GRIK1: variants seen among roughly 807,000 people sequenced by gnomAD.
The protein encoded by GRIK1 is glutamate receptor ionotropic, kainate 1.
Under a neutral mutation model 105.7 loss-of-function variants are expected in GRIK1, and 69 were observed. That is an observed-to-expected ratio of 0.65 (90% CI 0.54 to 0.80). The LOEUF (loss-of-function observed/expected upper bound fraction) is 0.80. Among genes scored for constraint, GRIK1 ranks in the 30% least tolerant of loss-of-function variants. The pLI is 0.00. For missense variants in GRIK1, 1,109 were observed against 1,167.3 expected (o/e 0.95, Z 0.73); for synonymous variants, 438 against 431.3 (o/e 1.02, Z -0.19).
chr21:29,915,524 C>G (rs778160652), intron 1 of GRIK1, among the ~76,000 whole-genome samples: 8 of 152,052 alleles, frequency 5.3e-5, no homozygotes, highest in South Asian at 4.1e-4. Context: ...AACTCTTTCT[C>G]TCACAGGAAG....
chr21:29,725,853 T>C (rs1439376960), intron 1 of GRIK1, among the ~76,000 whole-genome samples: 2 of 152,216 alleles, frequency 1.3e-5, no homozygotes, highest in East Asian at 3.8e-4. Flanking sequence ...CCGCAATAAA[T>C]GATTGTCTCG....
intron 1 of GRIK1, among the ~76,000 whole-genome samples, chr21:29,806,016 A>G (rs1283071410): frequency 6.6e-6 from 1 of 151,720 alleles, no homozygotes; most frequent in Non-Finnish European, 1.5e-5. Flanking sequence ...ACATGAAAAC[A>G]CAAGTCGACT....
At chr21:29,607,240 T>G (rs1312244640) in intron 7 of GRIK1, among the ~76,000 whole-genome samples, 1 of 152,134 alleles carries the variant, frequency 6.6e-6, no homozygotes, top group African/African-American at 2.4e-5. Context: ...TTCTTAGCAC[T>G]TTTCTTTTGT....
intron 6 of GRIK1, among the ~76,000 whole-genome samples, chr21:29,646,302 T>C (rs2062616871): frequency 6.6e-6 from 1 of 152,214 alleles, no homozygotes. Context: ...GCTTCCCTGG[T>C]TGGCAATACT....
chr21:29,678,749 A>G (rs1198728344), intron 3 of GRIK1, among the ~76,000 whole-genome samples: 1 of 152,166 alleles, frequency 6.6e-6, no homozygotes, highest in African/African-American at 2.4e-5. Flanking sequence ...ATAGCAGAAG[A>G]GTTTTAGCTA....
At chr21:29,724,088 T>C (rs1156339860) in intron 1 of GRIK1, among the ~76,000 whole-genome samples, 1 of 152,224 alleles carries the variant, frequency 6.6e-6, no homozygotes, top group African/African-American at 2.4e-5. Context: ...TAAGATCCAC[T>C]TGGGCTATGT....
intron 14 of GRIK1, among the ~76,000 whole-genome samples, chr21:29,576,417 C>T (rs984714155): frequency 1.2e-4 from 19 of 152,202 alleles, no homozygotes; most frequent in Admixed American, 7.2e-4. Context: ...GAACACTGTC[C>T]TTCATCAATG....
chr21:29,904,317 T>TG (rs1164384005), intron 1 of GRIK1, among the ~76,000 whole-genome samples: 2 of 141,964 alleles, frequency 1.4e-5, no homozygotes, highest in South Asian at 2.4e-4. Flanking sequence ...CACTTTTTTT[T>TG]GGGAAAAAAA....
intron 7 of GRIK1, among the ~76,000 whole-genome samples, chr21:29,609,331 T>G (rs1044551816): frequency 8.5e-5 from 13 of 152,170 alleles, no homozygotes; most frequent in African/African-American, 3.1e-4. Flanking sequence ...TTTATGGCAA[T>G]GTGGTTATTT....
chr21:29,761,164 G>C (rs1287854673), intron 1 of GRIK1: 1 of 152,204 alleles, frequency 6.6e-6, no homozygotes, highest in African/African-American at 2.4e-5. Context: ...ACTTTGCCAA[G>C]CTGGCAAATG....
At chr21:29,904,787 T>C (rs567722487) in intron 1 of GRIK1, among the ~76,000 whole-genome samples, 1 of 152,312 alleles carries the variant, frequency 6.6e-6, no homozygotes, top group African/African-American at 2.4e-5. Flanking sequence ...AACACTGTCA[T>C]GTACCCAGCT....
At position 29,755,299 on chromosome 21, in the gene GRIK1, A is replaced by G. The variant is rs374362845; in HGVS notation, c.119-61236T>C. 5.3e-5 allele frequency among the ~76,000 whole-genome samples: 8 copies of G among 152,356 alleles called. 2 individuals are homozygous for G. The South Asian group carries it at 1.4e-3, about 28-fold the overall frequency. The stretch of plus-strand genomic sequence containing the variant: ...AAGCCTAGCCTTGAGGAAATCAGGC[A>G]TAAGGCAGATTAATTGCCCTGGCTG... On this transcript the variant is annotated intron_variant, in intron 1 of 17. Transcript: ENST00000327783.
intron 16 of GRIK1, among the ~76,000 whole-genome samples, chr21:29,539,650 T>A (rs984294859): frequency 4.6e-5 from 7 of 152,234 alleles, no homozygotes; most frequent in Admixed American, 1.3e-4. Context: ...AATTGTGATA[T>A]ATAGTATTGT....
At chr21:29,774,423 A>G (rs2065890328) in intron 1 of GRIK1, among the ~76,000 whole-genome samples, 1 of 151,554 alleles carries the variant, frequency 6.6e-6, no homozygotes, top group South Asian at 2.1e-4. Context: ...GTAGAGAATC[A>G]AGTGCTGTTT....
intron 1 of GRIK1, among the ~76,000 whole-genome samples, chr21:29,793,366 C>G (rs769766097): frequency 2.6e-5 from 4 of 152,136 alleles, no homozygotes; most frequent in Non-Finnish European, 5.9e-5. Context: ...TCCCCCAAGT[C>G]CCATAGTGCC....
intron 1 of GRIK1, among the ~76,000 whole-genome samples, chr21:29,886,349 A>T (rs1310847721): frequency 1.3e-5 from 2 of 152,108 alleles, no homozygotes; most frequent in Non-Finnish European, 2.9e-5. Context: ...TTCTTTGCAC[A>T]TATTTTCCAG....
chr21:29,891,038 T>C (rs2832476), intron 1 of GRIK1, among the ~76,000 whole-genome samples: 11,955 of 152,222 alleles, frequency 0.079, 1,250 homozygotes, highest in African/African-American at 0.24. Context: ...TGATATAACA[T>C]CTTTTTTTGA....
At chr21:29,708,711 C>G (rs1054836209) in intron 1 of GRIK1, among the ~76,000 whole-genome samples, 1 of 152,176 alleles carries the variant, frequency 6.6e-6, no homozygotes, top group Non-Finnish European at 1.5e-5. Context: ...CAGCCTGGGA[C>G]GTTGGAGCAG....
chr21:29,581,541 A>C lies in GRIK1; in HGVS notation c.1796T>G (p.Phe599Cys). Residue 599 changes from phenylalanine (F) to cysteine (C), a missense_variant and splice_region_variant, in exon 13 of 18, where the codon TTT becomes TGT. Physicochemically the swap from Phe to Cys is radical, Grantham distance 205. Around this residue, in one of 5 missense-constraint regions of GRIK1, gnomAD observed 264 missense variants for 306.9 expected, o/e 0.86. Transcript: ENST00000327783. ...VSCVLFVIARFTPYEWYNPHP... is the reference protein window; with the variant it reads ...VSCVLFVIARCTPYEWYNPHP... Reference sequence around the variant, plus strand: ...GGGGTTATACCACTCGTAGGGTGTAAACCTGTGGTAGTTAACAGAAACAGT... The same window carrying C: ...GGGGTTATACCACTCGTAGGGTGTACACCTGTGGTAGTTAACAGAAACAGT... 6.4e-7 allele frequency: 1 copy of C among 1,554,842 alleles called. No individual in the cohort carries two copies.
Sources: gnomAD v4.1 joint callset for allele counts (sites outside exome capture counted in the v4.1 genomes callset) on GRCh38, gnomAD v4.1.1 for gene constraint, gnomAD v4.1.1 regional missense constraint, MANE v1.5 for transcripts, NCBI Gene and HGNC (gene_info 2026-07-23, HGNC 2026-07-21) for gene names.